Variants in METTL21A observed in about 807,000 individuals in gnomAD.
The protein encoded by METTL21A is methyltransferase 21A, HSPA lysine.
In METTL21A, 22 loss-of-function variants were observed where a neutral mutation model predicts 20.9. The observed-to-expected ratio is 1.05, with a 90% CI of 0.75 to 1.50. The LOEUF (loss-of-function observed/expected upper bound fraction) is 1.50. METTL21A is among the 40% of genes most tolerant of loss of function. The pLI is 0.00. For synonymous variants in METTL21A, 93 were observed against 102.0 expected (o/e 0.91, Z 0.53); for missense variants, 271 against 266.8 (o/e 1.02, Z -0.11).
chr2:207,600,185 T>G (rs913817174), intron 3 of METTL21A: 1 of 176,378 alleles, frequency 5.7e-6, no homozygotes, highest in African/African-American at 2.4e-5. Context: ...TCATAGGTGC[T>G]CTCTTCATTT....
chr2:207,608,355 T>G (rs1230237435), downstream of METTL21A, among the ~76,000 whole-genome samples: 1 of 152,064 alleles, frequency 6.6e-6, no homozygotes, highest in Admixed American at 6.5e-5. Flanking sequence ...TGCAACAACA[T>G]TCTAAGTCCA....
At chr2:207,613,012 AC>A (rs1352794725) in exon 4 of METTL21A, 1 of 1,519,968 alleles carries the variant, frequency 6.6e-7, no homozygotes, top group South Asian at 1.3e-5. Context: ...TAAGTGACAC[AC>A]TCAATGACAA....
downstream of METTL21A, chr2:207,609,378 CAT>C (rs1389466233): frequency 6.6e-6 from 1 of 152,142 alleles, no homozygotes; most frequent in Non-Finnish European, 1.5e-5. Context: ...CAAAGTGTAT[CAT>C]AGATAATCCT....
At chr2:207,607,247 G>A (rs2088251005), downstream of METTL21A, among the ~76,000 whole-genome samples, 1 of 152,014 alleles carries the variant, frequency 6.6e-6, no homozygotes, top group Non-Finnish European at 1.5e-5. Context: ...AAATTAGCTG[G>A]GCATGGTGGC....
At chr2:207,588,091 TAAAAAG>T (rs1457154764) in intron 3 of METTL21A, among the ~76,000 whole-genome samples, 1 of 151,736 alleles carries the variant, frequency 6.6e-6, no homozygotes, top group African/African-American at 2.4e-5. Context: ...CAACTAAAAA[TAAAAAG>T]GAAAAAAGAA....
At chr2:207,613,393 A>T (rs143281578) in exon 4 of METTL21A, 2 of 1,607,212 alleles carry the variant, frequency 1.2e-6, no homozygotes, top group South Asian at 1.1e-5. Flanking sequence ...TGAACGTTTG[A>T]TTTAAGAAAT....
At chr2:207,596,115 T>C (rs565414736) in intron 3 of METTL21A, among the ~76,000 whole-genome samples, 1 of 152,324 alleles carries the variant, frequency 6.6e-6, no homozygotes, top group African/African-American at 2.4e-5. Context: ...TACGGTTAGG[T>C]CTTTGATCTA....
chr2:207,596,369 TTTAA>T (rs2086159979), intron 3 of METTL21A, among the ~76,000 whole-genome samples: 1 of 152,240 alleles, frequency 6.6e-6, no homozygotes, highest in East Asian at 1.9e-4. Context: ...TGCAGAATAT[TTTAA>T]TTAATAGTAA....
chr2:207,582,241 T>G, intron 3 of METTL21A: 1 of 699,276 alleles, frequency 1.4e-6, no homozygotes, highest in Non-Finnish European at 2.6e-6. Context: ...GAAGAAGTAC[T>G]TGGAGGCTAT....
downstream of METTL21A, among the ~76,000 whole-genome samples, chr2:207,608,488 A>G (rs1452480836): frequency 6.6e-6 from 1 of 151,680 alleles, no homozygotes; most frequent in Non-Finnish European, 1.5e-5. Flanking sequence ...AATTTTTCTG[A>G]TTCTTAATGT....
chr2:207,585,491 T>C (rs942394433), intron 3 of METTL21A, among the ~76,000 whole-genome samples: 2 of 152,170 alleles, frequency 1.3e-5, no homozygotes. Flanking sequence ...GTTGCACAGA[T>C]ATCAAGATAA....
At chr2:207,623,155 C>T (rs1284365008) in intron 2 of METTL21A, among the ~76,000 whole-genome samples, 2 of 152,182 alleles carry the variant, frequency 1.3e-5, no homozygotes, top group African/African-American at 4.8e-5. Context: ...CTGCCCACCT[C>T]GGCCTCCCAA....
At chr2:207,624,578 T>C in intron 1 of METTL21A, 174 bp from the exon 2 acceptor site, 1 of 534,764 alleles carries the variant, frequency 1.9e-6, no homozygotes, top group Non-Finnish European at 3.1e-6. Context: ...GAGTGAGATT[T>C]GGCTCGGAAT....
Position 207,621,857 on chromosome 2 carries a change from C to T in METTL21A, c.208G>A (p.Val70Met), listed in dbSNP as rs146834988. Residue 70 changes from valine to methionine, a missense_variant, in exon 3 of 4, where the codon GTG becomes ATG. Val to Met is a conservative substitution (Grantham distance 21). Transcript: ENST00000406927. ...AGCCCCGTGCCAGCACCCAGCTCCACGGCAGAGCGGCCCCTGAGCTCCACA... is the reference window on the plus strand; with the variant it reads ...AGCCCCGTGCCAGCACCCAGCTCCATGGCAGAGCGGCCCCTGAGCTCCACA... The T allele has an allele frequency of 1.5e-4, 236 of 1,614,216 alleles. 1 individual carries two copies. In the East Asian group the frequency reaches 4.2e-3, roughly 28 times the overall value.
At chr2:207,600,707 T>C (rs2086896408) in intron 3 of METTL21A, 1 of 211,604 alleles carries the variant, frequency 4.7e-6, no homozygotes, top group Non-Finnish European at 9.6e-6. Flanking sequence ...GCAGTGCTAG[T>C]CTCTGAAAGC....
intron 3 of METTL21A, 63 bp from the exon 4 acceptor site, chr2:207,613,506 G>A: frequency 1.4e-6 from 2 of 1,448,030 alleles, no homozygotes; most frequent in Non-Finnish European, 1.8e-6. Context: ...GGTAGAGAGG[G>A]GGTCAAGTTA....
chr2:207,620,697 G>A lies in METTL21A; in HGVS notation c.259+1109C>T, dbSNP rs961129399. 2.6e-6 allele frequency: 4 copies of A among 1,533,574 alleles called. 1 individual carries two copies. The highest frequency in any genetic ancestry group is 2.4e-5 in the South Asian group (2 of 83,736). 95.0% of individuals were successfully genotyped at this position (1,533,574 alleles called of 1,614,324 possible). On this transcript the variant is annotated intron_variant, in intron 3 of 3. Coordinates refer to ENST00000406927, the Ensembl canonical transcript of METTL21A. ...GGGCTTCATCGATGACTTAAGTGCT[G>A]TGGTTGAAGACGGACGGAAACCTCT...
intron 3 of METTL21A, among the ~76,000 whole-genome samples, chr2:207,593,109 C>A (rs1369827308): frequency 6.6e-6 from 1 of 152,192 alleles, no homozygotes; most frequent in East Asian, 1.9e-4. Context: ...CAAACATATT[C>A]TTTATCTCCA....
exon 4 of METTL21A, chr2:207,613,425 G>T: frequency 1.3e-6 from 2 of 1,596,488 alleles, no homozygotes; most frequent in Non-Finnish European, 1.7e-6. Context: ...TTTTCGATCC[G>T]TGATAGTCAC....
Sources: gnomAD v4.1 joint callset for allele counts (sites outside exome capture counted in the v4.1 genomes callset) on GRCh38, gnomAD v4.1.1 for gene constraint, MANE v1.5 for transcripts, NCBI Gene and HGNC (gene_info 2026-07-23, HGNC 2026-07-21) for gene names.